Variants in ADAMTSL1 observed in about 807,000 individuals in gnomAD.
ADAMTSL1 encodes the protein ADAMTS like 1, also known as ADAMTS-like protein 1.
In ADAMTSL1, 126 loss-of-function variants were observed where a neutral mutation model predicts 201.8. The observed-to-expected ratio is 0.62, with a 90% confidence interval of 0.54 to 0.72. ADAMTSL1 has a LOEUF of 0.72. Among genes scored for constraint, ADAMTSL1 ranks in the 30% least tolerant of loss-of-function variants. The pLI, the probability that ADAMTSL1 is intolerant of heterozygous loss-of-function variation, is 0.00. For missense variants in ADAMTSL1, 2,679 were observed against 2,277.8 expected (o/e 1.18, Z -3.59); for synonymous variants, 1,121 against 903.4 (o/e 1.24, Z -4.32).
chr9:18,256,139 A>C (rs1427142762), intron 2 of ADAMTSL1, among the ~76,000 whole-genome samples: 1 of 152,248 alleles, frequency 6.6e-6, no homozygotes, highest in Non-Finnish European at 1.5e-5. Context: ...ATAGTCTACA[A>C]GTCTACATTC....
intron 14 of ADAMTSL1, among the ~76,000 whole-genome samples, chr9:18,717,100 G>A (rs971382554): frequency 6.8e-6 from 1 of 148,000 alleles, no homozygotes; most frequent in Admixed American, 6.8e-5. Flanking sequence ...TGGGGGGACG[G>A]GGGAGGGATA....
intron 26 of ADAMTSL1, among the ~76,000 whole-genome samples, chr9:18,897,450 C>CT (rs1162043032): frequency 6.6e-6 from 1 of 152,158 alleles, no homozygotes; most frequent in African/African-American, 2.4e-5. Context: ...CAGACACCTC[C>CT]TACAGGAGCA....
intron 2 of ADAMTSL1, among the ~76,000 whole-genome samples, chr9:18,371,668 T>A (rs1837048419): frequency 6.6e-6 from 1 of 152,216 alleles, no homozygotes; most frequent in Non-Finnish European, 1.5e-5. Flanking sequence ...TAAAAATTTA[T>A]CAACTTTTTT....
At chr9:18,840,683 C>T (rs891694357) in intron 23 of ADAMTSL1, among the ~76,000 whole-genome samples, 14 of 151,958 alleles carry the variant, frequency 9.2e-5, no homozygotes, top group African/African-American at 3.4e-4. Context: ...GAATGTTCTT[C>T]CATTTGTTTG....
chr9:18,777,503 C>G lies in ADAMTSL1; in HGVS notation c.3274C>G (p.Leu1092Val), dbSNP rs1279657364. ...GAACCTCTCCCAGCAGCCCGAGGAGCTGCGCGACCTCTACAGCAAGCACCT... is the reference window on the plus strand; with the variant it reads ...GAACCTCTCCCAGCAGCCCGAGGAGGTGCGCGACCTCTACAGCAAGCACCT... ...LGNLSQQPEELRDLYSKHLVA... is the reference protein window; with the variant it reads ...LGNLSQQPEEVRDLYSKHLVA... Residue 1092 changes from leucine to valine, a missense_variant, in exon 19 of 29, where the codon CTG becomes GTG. Leu to Val is a conservative substitution (Grantham distance 32). Transcript: ENST00000380548. 20 of 1,596,072 alleles carry G rather than the reference C, an allele frequency of 1.3e-5. No homozygotes were observed. The highest frequency in any genetic ancestry group is 1.6e-5 in the Non-Finnish European group (19 of 1,171,840).
At chr9:18,191,760 C>T (rs1422034756) in intron 2 of ADAMTSL1, among the ~76,000 whole-genome samples, 4 of 152,114 alleles carry the variant, frequency 2.6e-5, no homozygotes, top group Non-Finnish European at 4.4e-5. Context: ...TCTTAGAGGG[C>T]TTTGTGAAGC....
chr9:18,842,949 C>A (rs59836520), intron 23 of ADAMTSL1, among the ~76,000 whole-genome samples: 2 of 152,100 alleles, frequency 1.3e-5, no homozygotes, highest in Non-Finnish European at 2.9e-5. Context: ...AGATGGGTTT[C>A]CTGAATACAG....
intron 1 of ADAMTSL1, among the ~76,000 whole-genome samples, chr9:18,073,056 C>G (rs1169161989): frequency 6.6e-6 from 1 of 152,190 alleles, no homozygotes; most frequent in African/African-American, 2.4e-5. Flanking sequence ...GTTGTCCTCA[C>G]AGCGTTATCT....
At chr9:18,565,699 T>C (rs1204348887) in intron 3 of ADAMTSL1, among the ~76,000 whole-genome samples, 1 of 152,188 alleles carries the variant, frequency 6.6e-6, no homozygotes, top group Admixed American at 6.5e-5. Flanking sequence ...TACAGTGATG[T>C]GTTAGAGATT....
At chr9:18,284,049 G>A (rs1002857368) in intron 2 of ADAMTSL1, among the ~76,000 whole-genome samples, 1 of 151,552 alleles carries the variant, frequency 6.6e-6, no homozygotes, top group African/African-American at 2.4e-5. Flanking sequence ...TCACCAACAT[G>A]GAGAAACCCC....
chr9:18,628,392 C>T (rs1021106816), intron 5 of ADAMTSL1, among the ~76,000 whole-genome samples: 3 of 152,206 alleles, frequency 2.0e-5, no homozygotes, highest in Non-Finnish European at 4.4e-5. Context: ...AAATCTATTG[C>T]CGTTTCTCTG....
chr9:18,680,968 A>T (rs1564145162), intron 11 of ADAMTSL1: 2 of 153,424 alleles, frequency 1.3e-5, no homozygotes, highest in Non-Finnish European at 2.9e-5. Flanking sequence ...GGGGAAGAGG[A>T]AATGAAAATA....
intron 2 of ADAMTSL1, among the ~76,000 whole-genome samples, chr9:18,190,032 G>A (rs1828906612): frequency 6.6e-6 from 1 of 152,164 alleles, no homozygotes; most frequent in Non-Finnish European, 1.5e-5. Context: ...AATGAGCCTG[G>A]TCAGGTTTCA....
intron 23 of ADAMTSL1, among the ~76,000 whole-genome samples, chr9:18,850,593 GTTTC>G (rs1252694496): frequency 2.0e-5 from 3 of 152,190 alleles, no homozygotes; most frequent in Non-Finnish European, 4.4e-5. Flanking sequence ...CAGAAAAGCT[GTTTC>G]CAAATCCTCA....
At chr9:18,480,937 G>A (rs1309983361) in intron 1 of ADAMTSL1, among the ~76,000 whole-genome samples, 2 of 152,134 alleles carry the variant, frequency 1.3e-5, no homozygotes, top group Non-Finnish European at 2.9e-5. Flanking sequence ...TGAAACAGTT[G>A]AAATCTCCTG....
chr9:18,585,886 C>A (rs2132442448), intron 4 of ADAMTSL1, among the ~76,000 whole-genome samples: 1 of 152,158 alleles, frequency 6.6e-6, no homozygotes, highest in African/African-American at 2.4e-5. Context: ...TTATAAAATT[C>A]AACATCTCTT....
intron 24 of ADAMTSL1, among the ~76,000 whole-genome samples, 182 bp downstream of exon 24, chr9:18,888,225 G>A (rs746117261): frequency 6.6e-6 from 1 of 152,142 alleles, no homozygotes; most frequent in Non-Finnish European, 1.5e-5. Flanking sequence ...CTTCAGAAGA[G>A]CCATCATGCC....
At chr9:18,027,077 T>C (rs142613172) in intron 1 of ADAMTSL1, among the ~76,000 whole-genome samples, 185 of 151,850 alleles carry the variant, frequency 1.2e-3, no homozygotes, top group African/African-American at 4.2e-3. Flanking sequence ...TTTCTGATTG[T>C]GCTATTTAGG....
At chr9:18,838,560 T>G (rs1825486216) in intron 23 of ADAMTSL1, among the ~76,000 whole-genome samples, 2 of 152,120 alleles carry the variant, frequency 1.3e-5, no homozygotes, top group South Asian at 4.2e-4. Flanking sequence ...GGCATGGTGA[T>G]TCACACCTGT....
Sources: gnomAD v4.1 joint callset for allele counts (sites outside exome capture counted in the v4.1 genomes callset) on GRCh38, gnomAD v4.1.1 for gene constraint, MANE v1.5 for transcripts, NCBI Gene and HGNC (gene_info 2026-07-23, HGNC 2026-07-21) for gene names.